Variants in THAP6 observed in about 807,000 individuals in gnomAD.
THAP6 encodes the protein THAP domain containing 6.
A neutral mutation model predicts 20.0 loss-of-function variants in THAP6; 13 were observed. That is an observed-to-expected ratio of 0.65 (90% CI 0.42 to 1.03). THAP6 has a LOEUF of 1.03. Ranked by LOEUF, THAP6 falls within the 50% of genes least tolerant of loss-of-function variation. The pLI is 0.00. For missense variants in THAP6, 262 were observed against 261.6 expected (o/e 1.00, Z -0.01); for synonymous variants, 93 against 92.2 (o/e 1.01, Z -0.05).
At chr4:75,521,598 A>G (rs1170466201) in intron 3 of THAP6, 138 bp from the exon 4 acceptor site, 1 of 885,660 alleles carries the variant, frequency 1.1e-6, no homozygotes, top group African/African-American at 1.7e-5. Context: ...ATCTGGGTGG[A>G]ATTTGCTGAC....
intron 4 of THAP6, 132 bp from the exon 5 acceptor site, chr4:75,526,827 TC>T (rs1726402887): frequency 8.2e-6 from 11 of 1,338,738 alleles, no homozygotes; most frequent in Non-Finnish European, 1.0e-5. Context: ...CTTCCTGTGT[TC>T]CTTAAACCTC....
intron 3 of THAP6, chr4:75,544,787 T>C (rs1429333769): frequency 6.6e-6 from 1 of 152,110 alleles, no homozygotes; most frequent in African/African-American, 2.4e-5. Context: ...TTTTAATCTG[T>C]AGGTTCCCAC....
chr4:75,538,012 T>C (rs1331091731), intron 2 of THAP6, among the ~76,000 whole-genome samples: 1 of 152,148 alleles, frequency 6.6e-6, no homozygotes. Flanking sequence ...ACAATGGCAA[T>C]AGGAAACTAA....
At chr4:75,525,271 A>G (rs536788361) in intron 4 of THAP6, among the ~76,000 whole-genome samples, 1 of 152,128 alleles carries the variant, frequency 6.6e-6, no homozygotes, top group Admixed American at 6.5e-5. Context: ...TTATGTGTAT[A>G]TTAGGCTGTC....
intron 2 of THAP6, among the ~76,000 whole-genome samples, chr4:75,539,268 G>A (rs1726944418): frequency 6.6e-6 from 1 of 152,102 alleles, no homozygotes; most frequent in Non-Finnish European, 1.5e-5. Flanking sequence ...TTAAGTGTTT[G>A]GGTCTATCAT....
Position 75,516,750 on chromosome 4 carries a change from A to G in THAP6, c.81-22A>G, listed in dbSNP as rs1725674867. On this transcript the variant is annotated intron_variant, in intron 2 of 4. Coordinates refer to ENST00000311638, the MANE Select transcript of THAP6 (RefSeq NM_144721.6). ...TAGCAATAGTATTTGATTTTAAAAT[A>G]TTTTTTGTATTTTTTTTCTAGATTC... 1.9e-6 allele frequency: 3 copies of G among 1,597,124 alleles called. No homozygotes were observed. In the African/African-American group the frequency reaches 4.1e-5, roughly 22 times the overall value.
At chr4:75,519,325 CTT>C (rs35497751) in intron 3 of THAP6, among the ~76,000 whole-genome samples, 11 of 142,294 alleles carry the variant, frequency 7.7e-5, no homozygotes, top group African/African-American at 1.8e-4. Flanking sequence ...TGGGGCACAT[CTT>C]TTTTTTTTTT....
Position 75,528,767 on chromosome 4 carries a change from A to C in THAP6, c.*1553A>C. The C allele has an allele frequency of 1.0e-6, 1 of 984,434 alleles. No individual in the cohort carries two copies. Among genetic ancestry groups the C allele is most frequent in the Non-Finnish European group, 1.2e-6 (1 of 829,576 alleles). The allele number at this position is 984,434 out of a possible 1,614,324, so 61.0% of individuals were successfully genotyped here. ...AGTAAAAAGGTAGTTAAAAAAAAAA[A>C]AGGCCGGGTGGTGGCTCATACCTGT... On this transcript the variant is annotated 3_prime_UTR_variant, in exon 5 of 5. Transcript: ENST00000311638.
intron 4 of THAP6, chr4:75,522,673 A>T (rs1339899859): frequency 6.6e-6 from 1 of 152,124 alleles, no homozygotes; most frequent in Non-Finnish European, 1.5e-5. Context: ...GATCCTGCAA[A>T]TAAGTGAGAA....
At position 75,542,408 on chromosome 4, in the gene THAP6, G is replaced by C. The variant is rs1408659468; in HGVS notation, c.166-1G>C. The C allele has an allele frequency of 2.9e-6, 2 of 701,554 alleles. No homozygotes were observed. The highest frequency in any genetic ancestry group is 5.4e-5 in the East Asian group (2 of 37,232). 43.5% of individuals were successfully genotyped at this position (701,554 alleles called of 1,614,324 possible). A position where few individuals can be genotyped will look rare whatever the true frequency, so the allele number is the denominator to read the frequency against. ...GTATTTCTGCCTGTGTTTTGTTTCAGATATCCATGTTCAAGAGGAAATGTT... is the reference window on the plus strand; with the variant it reads ...GTATTTCTGCCTGTGTTTTGTTTCACATATCCATGTTCAAGAGGAAATGTT... On this transcript the variant is annotated splice_acceptor_variant, in intron 2 of 4. Transcript: ENST00000502620. LOFTEE classifies it high-confidence loss of function.
At chr4:75,514,336 C>T, upstream of THAP6, 1 of 1,580,374 alleles carries the variant, frequency 6.3e-7, no homozygotes, top group Non-Finnish European at 8.7e-7. Context: ...AGGATAAAAA[C>T]CACGCCCAGA....
intron 2 of THAP6, among the ~76,000 whole-genome samples, chr4:75,536,893 T>A (rs971370654): frequency 3.3e-5 from 5 of 152,200 alleles, no homozygotes; most frequent in Admixed American, 2.0e-4. Flanking sequence ...ATCCCTGTGA[T>A]AACACTAATC....
At chr4:75,538,973 T>G (rs1276370182) in intron 2 of THAP6, among the ~76,000 whole-genome samples, 1 of 152,216 alleles carries the variant, frequency 6.6e-6, no homozygotes, top group Non-Finnish European at 1.5e-5. Context: ...GCTGAGAACC[T>G]AGCACATTCA....
Position 75,528,210 on chromosome 4 carries a change from G to T in THAP6, c.*996G>T, listed in dbSNP as rs1726498785. 1.0e-6 allele frequency: 1 copy of T among 985,354 alleles called. No homozygotes were observed. The highest frequency in any genetic ancestry group is 1.1e-4 in the East Asian group (1 of 8,810). 61.0% of individuals were successfully genotyped at this position (985,354 alleles called of 1,614,324 possible). On this transcript the variant is annotated 3_prime_UTR_variant, in exon 5 of 5. Coordinates refer to ENST00000311638, the MANE Select transcript of THAP6 (RefSeq NM_144721.6). ...TATTGTCCAAAGGCTTTTATTTAGA[G>T]AAACGGGTAATTAAAACAGCAGCTT...
In THAP6 at chr4:75,529,914, A is replaced by G. The variant is rs1456575320; in HGVS notation, c.*2700A>G. The G allele has an allele frequency of 1.1e-6, 1 of 910,328 alleles. No homozygotes were observed. The highest frequency in any genetic ancestry group is 1.8e-5 in the African/African-American group (1 of 55,712). 56.4% of individuals were successfully genotyped at this position (910,328 alleles called of 1,614,324 possible). A position where few individuals can be genotyped will look rare whatever the true frequency, so the allele number is the denominator to read the frequency against. On this transcript the variant is annotated 3_prime_UTR_variant, in exon 5 of 5. Transcript: ENST00000311638. Reference sequence around the variant, plus strand: ...AGTCTGTAATTTGAGAAAAGGTGAAATGTATTTAATATATATTTAGTTTTA... The same window carrying G: ...AGTCTGTAATTTGAGAAAAGGTGAAGTGTATTTAATATATATTTAGTTTTA...
intron 2 of THAP6, among the ~76,000 whole-genome samples, 188 bp from the exon 3 acceptor site, chr4:75,516,584 G>A (rs1461012793): frequency 6.6e-6 from 1 of 152,104 alleles, no homozygotes; most frequent in Non-Finnish European, 1.5e-5. Context: ...CAGCATGATT[G>A]GCAGAAAATC....
intron 3 of THAP6, among the ~76,000 whole-genome samples, chr4:75,543,535 C>T (rs983638144): frequency 2.6e-5 from 4 of 152,152 alleles, no homozygotes; most frequent in African/African-American, 4.8e-5. Context: ...AGGACTAGTT[C>T]GGACTGAGTC....
At chr4:75,539,894 A>G (rs1328266106) in intron 2 of THAP6, 1 of 1,536,160 alleles carries the variant, frequency 6.5e-7, no homozygotes, top group South Asian at 1.2e-5. Context: ...AGGAAGAAGA[A>G]CAAAAACCAA....
chr4:75,546,408 G>A (rs1446098296), intron 3 of THAP6, among the ~76,000 whole-genome samples: 2 of 152,224 alleles, frequency 1.3e-5, no homozygotes, highest in East Asian at 3.8e-4. Flanking sequence ...CACATCTCCA[G>A]TCAAGGAGCA....
Sources: gnomAD v4.1 joint callset for allele counts (sites outside exome capture counted in the v4.1 genomes callset) on GRCh38, gnomAD v4.1.1 for gene constraint, MANE v1.5 for transcripts, NCBI Gene and HGNC (gene_info 2026-07-23, HGNC 2026-07-21) for gene names.